Variants in RAB11FIP4 observed in about 807,000 individuals in gnomAD.
RAB11FIP4 encodes RAB11 family interacting protein 4.
Under a neutral mutation model 74.3 loss-of-function variants are expected in RAB11FIP4, and 23 were observed. The observed-to-expected ratio is 0.31, with a 90% CI of 0.22 to 0.44. The LOEUF is 0.44. RAB11FIP4 is among the 20% of genes least tolerant of loss of function. The pLI is 1.00. For missense variants in RAB11FIP4, 630 were observed against 863.9 expected, an observed-to-expected ratio of 0.73 and a Z score of 3.39; for synonymous variants, 360 against 359.9, an observed-to-expected ratio of 1.00 and a Z score of 0.00.
chr17:31,499,054 C>T (rs2072169137), intron 3 of RAB11FIP4, among the ~76,000 whole-genome samples: 1 of 152,222 alleles, frequency 6.6e-6, no homozygotes, highest in African/African-American at 2.4e-5. Flanking sequence ...CCCCATTCAA[C>T]TGCAGCACGT....
chr17:31,429,880 G>GCT (rs1043379936), intron 1 of RAB11FIP4, among the ~76,000 whole-genome samples: 2 of 150,948 alleles, frequency 1.3e-5, no homozygotes, highest in Non-Finnish European at 2.9e-5. Flanking sequence ...CTCCTGGGAT[G>GCT]CTCTTCGGGG....
intron 3 of RAB11FIP4, among the ~76,000 whole-genome samples, chr17:31,434,947 A>T (rs375471351): frequency 4.0e-4 from 61 of 152,312 alleles, no homozygotes; most frequent in South Asian, 1.5e-3. Context: ...GCACTTTGGG[A>T]TGCTGAGGCA....
In RAB11FIP4 at chr17:31,447,803, A is replaced by G. The variant is rs551565444; in HGVS notation, c.336+13681A>G. On this transcript the variant is annotated intron_variant, in intron 3 of 14. Transcript: ENST00000621161. Reference sequence around the variant, plus strand: ...CTCCCAAATTGCTGGGATTACAGGCACAAGCCACCGCGCCCAACTGCTGTA... The same window carrying G: ...CTCCCAAATTGCTGGGATTACAGGCGCAAGCCACCGCGCCCAACTGCTGTA... Among the ~76,000 whole-genome samples the G allele has an allele frequency of 1.8e-4, 28 of 152,286 alleles. 1 individual carries two copies. The South Asian group carries it at 5.8e-3, about 32-fold the overall frequency.
intron 3 of RAB11FIP4, among the ~76,000 whole-genome samples, chr17:31,473,840 C>T (rs1330298709): frequency 6.6e-6 from 1 of 152,188 alleles, no homozygotes; most frequent in Non-Finnish European, 1.5e-5. Flanking sequence ...CGTCTGCACA[C>T]TGTGGTATGC....
chr17:31,503,567 C>A (rs2072261073), intron 3 of RAB11FIP4, among the ~76,000 whole-genome samples: 1 of 149,618 alleles, frequency 6.7e-6, no homozygotes. Context: ...GTGAGGGACC[C>A]CCTGGGGATG....
rs2072953972 is a variant in RAB11FIP4, at chr17:31,536,035, G to GA, written c.*4303_*4304insA. The GA allele has an allele frequency of 1.2e-5, 1 of 86,330 alleles. No homozygotes were observed. The highest frequency in any genetic ancestry group is 5.5e-5 in the African/African-American group (1 of 18,176). 5.3% of individuals were successfully genotyped at this position (86,330 alleles called of 1,614,324 possible). A position where few individuals can be genotyped will look rare whatever the true frequency, so the allele number is the denominator to read the frequency against. ...TCCACTGGTGCTGGTGTTCAGGGGA[G>GA]TTGGGGGGGGGGGGCGCGGGGACAG... On this transcript the variant is annotated 3_prime_UTR_variant, in exon 15 of 15. Coordinates refer to ENST00000621161, the MANE Select transcript of RAB11FIP4 (RefSeq NM_032932.6).
intron 3 of RAB11FIP4, among the ~76,000 whole-genome samples, chr17:31,481,936 G>A (rs188609733): frequency 3.3e-5 from 5 of 152,254 alleles, no homozygotes; most frequent in South Asian, 2.1e-4. Context: ...ACCCAGCCCC[G>A]GGGGCAGGCT....
rs1439410259 is a variant in RAB11FIP4 at position 31,534,286 on chromosome 17, G to C, written c.*2554G>C. 1.3e-5 allele frequency: 2 copies of C among 152,164 alleles called. No homozygotes were observed. Among genetic ancestry groups the C allele is most frequent in the Non-Finnish European group, 2.9e-5 (2 of 68,034 alleles). The allele number at this position is 152,164 out of a possible 1,614,324, so 9.4% of individuals were successfully genotyped here. A position where few individuals can be genotyped will look rare whatever the true frequency, so the allele number is the denominator to read the frequency against. On this transcript the variant is annotated 3_prime_UTR_variant, in exon 15 of 15. Transcript: ENST00000621161. ...ATACATGGGACAGATGTTATTTTTA[G>C]AGATAGGATCTTGCTCTGTTGCCCA...
intron 4 of RAB11FIP4, chr17:31,518,446 A>ATGTGCC (rs1191777206): frequency 6.6e-6 from 1 of 151,784 alleles, no homozygotes; most frequent in Non-Finnish European, 1.5e-5. Context: ...GGCAAGTGGC[A>ATGTGCC]TGTGCCTGTA....
chr17:31,402,401 C>T (rs1009850306), intron 1 of RAB11FIP4, among the ~76,000 whole-genome samples: 6 of 152,034 alleles, frequency 3.9e-5, no homozygotes, highest in Non-Finnish European at 7.4e-5. Context: ...TGGTGACTTT[C>T]GGGAGGGCTC....
intron 1 of RAB11FIP4, among the ~76,000 whole-genome samples, chr17:31,422,062 C>A (rs377043975): frequency 6.6e-6 from 1 of 152,032 alleles, no homozygotes; most frequent in East Asian, 1.9e-4. Flanking sequence ...GTAGTCCCAG[C>A]TACTCGGGAG....
At chr17:31,406,645 A>G (rs1156769472) in intron 1 of RAB11FIP4, among the ~76,000 whole-genome samples, 3 of 152,004 alleles carry the variant, frequency 2.0e-5, no homozygotes, top group Non-Finnish European at 2.9e-5. Context: ...CATTTTTTCC[A>G]TGTTGCTATT....
At chr17:31,415,777 C>G (rs2071141604) in intron 1 of RAB11FIP4, among the ~76,000 whole-genome samples, 1 of 152,134 alleles carries the variant, frequency 6.6e-6, no homozygotes, top group Non-Finnish European at 1.5e-5. Flanking sequence ...CAGAGGGTCT[C>G]AGGGACCACC....
chr17:31,396,708 A>G (rs2070935217), intron 1 of RAB11FIP4, among the ~76,000 whole-genome samples: 1 of 152,188 alleles, frequency 6.6e-6, no homozygotes. Flanking sequence ...TCAGAATGGT[A>G]GACATTGAAA....
chr17:31,523,913 G>A lies in RAB11FIP4; in HGVS notation c.1050G>A (p.Lys350=), dbSNP rs1486230266. 2 of 1,610,790 alleles carry A rather than the reference G, an allele frequency of 1.2e-6. No homozygotes were observed. Residue 350 remains lysine, a synonymous_variant, in exon 9 of 15, where the codon AAG becomes AAA. Transcript: ENST00000621161. ...TGCAGGTAAGCTTCCTGGAAAAGAA[G>A]GTGACAGAGCTGGAGAATGACAGCC... ...ITEKVSFLEK[K]VTELENDSLT...
chr17:31,440,747 C>A (rs138733703), intron 3 of RAB11FIP4, among the ~76,000 whole-genome samples: 3 of 152,102 alleles, frequency 2.0e-5, no homozygotes, highest in Non-Finnish European at 4.4e-5. Flanking sequence ...TAAGCCTTGG[C>A]GACAAAGTGA....
In RAB11FIP4 at chr17:31,524,014, G is replaced by C. The variant is rs201382238; in HGVS notation, c.1133+18G>C. 44 of 1,582,868 alleles carry C rather than the reference G, an allele frequency of 2.8e-5. No homozygotes were observed. Among genetic ancestry groups the C allele is most frequent in the Non-Finnish European group, 3.7e-5 (43 of 1,157,258 alleles). On this transcript the variant is annotated intron_variant, in intron 9 of 14. Transcript: ENST00000621161. ...GTGCACAGGTCAAGCAGGCAGCGGC[G>C]CTGGGGGCTCGGCCGTGACGCTGGG...
At chr17:31,510,742 C>T (rs376207258) in intron 3 of RAB11FIP4, among the ~76,000 whole-genome samples, 1 of 152,158 alleles carries the variant, frequency 6.6e-6, no homozygotes, top group Non-Finnish European at 1.5e-5. Context: ...GCCAAAAAAA[C>T]CCAGCCGAGC....
intron 4 of RAB11FIP4, among the ~76,000 whole-genome samples, chr17:31,520,647 A>C (rs986232906): frequency 6.6e-6 from 1 of 152,058 alleles, no homozygotes; most frequent in East Asian, 1.9e-4. Context: ...AGCTGCGACT[A>C]CAGGTGCTCG....
Sources: gnomAD v4.1 joint callset for allele counts (sites outside exome capture counted in the v4.1 genomes callset) on GRCh38, gnomAD v4.1.1 for gene constraint, MANE v1.5 for transcripts, NCBI Gene and HGNC (gene_info 2026-07-23, HGNC 2026-07-21) for gene names.